GLRB: variants seen among roughly 807,000 people sequenced by gnomAD.
GLRB encodes the protein glycine receptor subunit beta.
In GLRB, 33 loss-of-function variants were observed where a neutral mutation model predicts 54.2. The observed-to-expected ratio is 0.61, with a 90% confidence interval of 0.46 to 0.81. The LOEUF (loss-of-function observed/expected upper bound fraction) is 0.81. Ranked by LOEUF, GLRB falls within the 40% of genes least tolerant of loss-of-function variation. The pLI is 0.00. For synonymous variants in GLRB, 209 were observed against 208.2 expected, an observed-to-expected ratio of 1.00 and a Z score of -0.03; for missense variants, 572 against 584.6, an observed-to-expected ratio of 0.98 and a Z score of 0.22.
intron 9 of GLRB, among the ~76,000 whole-genome samples, chr4:157,169,159 T>C (rs925097688): frequency 9.9e-5 from 15 of 152,084 alleles, no homozygotes; most frequent in African/African-American, 3.6e-4. Context: ...GTATTAATTA[T>C]ATTAATAAAG....
At chr4:157,165,769 A>G (rs1737682533) in intron 9 of GLRB, among the ~76,000 whole-genome samples, 1 of 152,018 alleles carries the variant, frequency 6.6e-6, no homozygotes. Context: ...CCCTATTTCT[A>G]ACACTAGTAT....
chr4:157,092,080 G>A (rs539913796), intron 2 of GLRB, among the ~76,000 whole-genome samples: 1 of 152,226 alleles, frequency 6.6e-6, no homozygotes, highest in East Asian at 1.9e-4. Context: ...GACTGTTACT[G>A]ACCAATAGTG....
Position 157,136,483 on chromosome 4 carries a change from C to T in GLRB, c.312C>T (p.Asn104=). ...TTTTTCTTCAGGACTATAGAGTTAA[C>T]ATCTTCCTGAGACAAAAATGGAATG... is the stretch of plus-strand genomic sequence containing the variant. ...IQETTMDYRV[N]IFLRQKWNDP... is the part of the protein sequence containing the mutation. Residue 104 remains asparagine (N), a synonymous_variant, in exon 5 of 10, where the codon AAC becomes AAT. Coordinates refer to ENST00000264428, the MANE Select transcript of GLRB (RefSeq NM_000824.5). The T allele has an allele frequency of 6.3e-7, 1 of 1,597,904 alleles. No individual in the cohort carries two copies. Among genetic ancestry groups the T allele is most frequent in the Non-Finnish European group, 8.6e-7 (1 of 1,165,338 alleles).
chr4:157,147,615 G>A (rs555914169), intron 8 of GLRB, among the ~76,000 whole-genome samples: 1 of 152,320 alleles, frequency 6.6e-6, no homozygotes, highest in South Asian at 2.1e-4. Context: ...AGTATGTTTA[G>A]TTTGTTTTTG....
At chr4:157,118,897 A>C (rs1408940660) in intron 2 of GLRB, among the ~76,000 whole-genome samples, 1 of 151,578 alleles carries the variant, frequency 6.6e-6, no homozygotes, top group Non-Finnish European at 1.5e-5. Context: ...CTTCAAGTAG[A>C]GTTTTGCTCT....
At chr4:157,150,361 AT>A (rs150254081) in intron 8 of GLRB, among the ~76,000 whole-genome samples, 317 of 152,134 alleles carry the variant, frequency 2.1e-3, no homozygotes, top group Non-Finnish European at 3.5e-3. Context: ...TATATCTGAT[AT>A]GATAAAAGTC....
In GLRB at chr4:157,162,126, C is replaced by T. The variant is rs576478197; in HGVS notation, c.1198-8306C>T. 2.4e-4 allele frequency among the ~76,000 whole-genome samples: 36 copies of T among 152,306 alleles called. 1 individual carries two copies. The South Asian group carries it at 6.4e-3, about 27-fold the overall frequency. On this transcript the variant is annotated intron_variant, in intron 9 of 9. Coordinates refer to ENST00000264428, the MANE Select transcript of GLRB (RefSeq NM_000824.5). ...CCTTTCTTCCAGTTGATCAAATCGG[C>T]GACTGAAGCTTGTGAATGCATCACG...
rs760275874 is a variant in GLRB, at chr4:157,170,634, C to T, written c.1400C>T (p.Pro467Leu). ...CCTCCCCCTGCGAAACCTGTTATTC[C>T]AACAGCAGCAAAGCGAATTGATCTT... The part of the protein sequence containing the change: ...KKPPPAKPVI[P>L]TAAKRIDLYA... Residue 467 changes from proline (P) to leucine (L), a missense_variant, in exon 10 of 10, where the codon CCA (proline) becomes CTA (leucine). Transcript: ENST00000264428. 1 of 1,611,522 alleles carries T rather than the reference C, an allele frequency of 6.2e-7. No individual in the cohort carries two copies. Among genetic ancestry groups the T allele is most frequent in the South Asian group, 1.1e-5 (1 of 90,862 alleles).
At chr4:157,161,559 G>C (rs1737490727) in intron 9 of GLRB, among the ~76,000 whole-genome samples, 1 of 152,124 alleles carries the variant, frequency 6.6e-6, no homozygotes, top group African/African-American at 2.4e-5. Flanking sequence ...TTGCTTGTCT[G>C]TAAAGGATTT....
chr4:157,150,452 T>C (rs1334803146), intron 8 of GLRB, among the ~76,000 whole-genome samples: 1 of 152,050 alleles, frequency 6.6e-6, no homozygotes, highest in Non-Finnish European at 1.5e-5. Flanking sequence ...CTATAAATAT[T>C]CTGTCACACC....
chr4:157,140,000 C>T (rs1736550596), intron 7 of GLRB, among the ~76,000 whole-genome samples: 2 of 151,998 alleles, frequency 1.3e-5, no homozygotes, highest in South Asian at 2.1e-4. Context: ...TACATATTTA[C>T]AATGCTGTGA....
chr4:157,156,899 C>T (rs1022310208), intron 9 of GLRB, among the ~76,000 whole-genome samples: 1 of 152,134 alleles, frequency 6.6e-6, no homozygotes, highest in African/African-American at 2.4e-5. Flanking sequence ...GACTCCAAAT[C>T]GTGTTTAAGC....
intron 4 of GLRB, among the ~76,000 whole-genome samples, chr4:157,135,767 A>C (rs979180090): frequency 6.6e-6 from 1 of 152,170 alleles, no homozygotes; most frequent in Non-Finnish European, 1.5e-5. Flanking sequence ...TTAGCAAATA[A>C]TTTGAAATGA....
intron 2 of GLRB, among the ~76,000 whole-genome samples, chr4:157,100,331 T>C (rs1734973111): frequency 6.6e-6 from 1 of 152,238 alleles, no homozygotes; most frequent in Non-Finnish European, 1.5e-5. Context: ...AAAATAGGCA[T>C]ATCCAATTAA....
At chr4:157,113,764 G>A (rs1294056805) in intron 2 of GLRB, among the ~76,000 whole-genome samples, 1 of 151,800 alleles carries the variant, frequency 6.6e-6, no homozygotes, top group African/African-American at 2.4e-5. Context: ...ATGACTCTTG[G>A]CCCATAATAA....
At chr4:157,126,677 T>C (rs1324937841) in intron 4 of GLRB, among the ~76,000 whole-genome samples, 1 of 151,886 alleles carries the variant, frequency 6.6e-6, no homozygotes, top group African/African-American at 2.4e-5. Flanking sequence ...TGACATCTGT[T>C]CTACAGTTAT....
At chr4:157,152,407 GATACT>G (rs1379239578) in intron 8 of GLRB, among the ~76,000 whole-genome samples, 1 of 152,080 alleles carries the variant, frequency 6.6e-6, no homozygotes, top group African/African-American at 2.4e-5. Flanking sequence ...CTTCCTCAGA[GATACT>G]ATACAATAGT....
intron 9 of GLRB, among the ~76,000 whole-genome samples, chr4:157,154,965 T>G (rs918398449): frequency 6.6e-6 from 1 of 152,210 alleles, no homozygotes; most frequent in Non-Finnish European, 1.5e-5. Context: ...TCTTAAATAC[T>G]TCTGCATACA....
chr4:157,146,776 G>T (rs1205087414), intron 8 of GLRB, among the ~76,000 whole-genome samples: 1 of 151,814 alleles, frequency 6.6e-6, no homozygotes, highest in African/African-American at 2.4e-5. Flanking sequence ...AGCTGAGATT[G>T]CACTACTGCA....
Sources: allele counts gnomAD v4.1 joint callset (sites outside exome capture counted in the v4.1 genomes callset), GRCh38; gene constraint gnomAD v4.1.1; transcripts MANE v1.5; gene names NCBI Gene and HGNC (gene_info 2026-07-23, HGNC 2026-07-21).